MGAT4A: variants seen among roughly 807,000 people sequenced by gnomAD.
MGAT4A encodes alpha-1,3-mannosyl-glycoprotein 4-beta-N-acetylglucosaminyltransferase A.
A neutral mutation model predicts 74.1 loss-of-function variants in MGAT4A; 33 were observed. The ratio of observed to expected loss-of-function variants is 0.45; its 90% CI spans 0.34 to 0.60. MGAT4A has a LOEUF of 0.60. Ranked by LOEUF, MGAT4A falls within the 20% of genes least tolerant of loss-of-function variation. MGAT4A has a pLI of 0.02. For synonymous variants in MGAT4A, 198 were observed against 210.4 expected, an observed-to-expected ratio of 0.94 and a Z score of 0.51; for missense variants, 479 against 628.3, an observed-to-expected ratio of 0.76 and a Z score of 2.54.
chr2:98,682,392 A>G (rs575113816), intron 2 of MGAT4A, among the ~76,000 whole-genome samples: 2 of 137,752 alleles, frequency 1.5e-5, no homozygotes, highest in South Asian at 4.9e-4. Flanking sequence ...ATTGCACTCC[A>G]GCCTGGGCAA....
Position 98,621,800 on chromosome 2 carries a change from A to AT in MGAT4A, c.*3765dup, listed in dbSNP as rs943926032. The AT allele has an allele frequency of 1.8e-5, 19 of 1,085,250 alleles. No individual in the cohort carries two copies. The highest frequency in any genetic ancestry group is 8.3e-5 in the African/African-American group (5 of 60,576). The allele number at this position is 1,085,250 out of a possible 1,614,324, so 67.2% of individuals were successfully genotyped here. A position where few individuals can be genotyped will look rare whatever the true frequency, so the allele number is the denominator to read the frequency against. ...AACCTCTTTTTCATTATTATGATAG[A>AT]TTTTTTAAAGGCCTTCATAATTTTG... On this transcript the variant is annotated 3_prime_UTR_variant, in exon 16 of 16. Transcript: ENST00000393487.
chr2:98,640,540 G>C (rs1701391684), intron 10 of MGAT4A, among the ~76,000 whole-genome samples: 1 of 152,088 alleles, frequency 6.6e-6, no homozygotes, highest in African/African-American at 2.4e-5. Context: ...GGAGGCAGAG[G>C]TTGCAGTGAG....
At chr2:98,703,890 C>T (rs1033860466) in intron 2 of MGAT4A, among the ~76,000 whole-genome samples, 41 of 152,192 alleles carry the variant, frequency 2.7e-4, no homozygotes, top group African/African-American at 9.9e-4. Flanking sequence ...GTCACCTCCT[C>T]AGAGAGGCAT....
intron 2 of MGAT4A, among the ~76,000 whole-genome samples, chr2:98,697,291 C>T (rs970805761): frequency 6.6e-6 from 1 of 152,132 alleles, no homozygotes; most frequent in Non-Finnish European, 1.5e-5. Flanking sequence ...ATAAAAAATT[C>T]CAATCTCTCA....
At chr2:98,635,609 C>A (rs1326919146) in intron 13 of MGAT4A, among the ~76,000 whole-genome samples, 1 of 152,000 alleles carries the variant, frequency 6.6e-6, no homozygotes, top group Non-Finnish European at 1.5e-5. Flanking sequence ...TCCTTAGAGA[C>A]CAATAAATTA....
At position 98,690,036 on chromosome 2, in the gene MGAT4A, C is replaced by G. The variant is rs74636516; in HGVS notation, c.95-11565G>C. Among the ~76,000 whole-genome samples, 152 of 152,054 alleles carry G rather than the reference C, an allele frequency of 1.0e-3. 2 individuals are homozygous for G. In the East Asian group the frequency reaches 0.026, roughly 26 times the overall value. ...AAAAAAAAGGACCAAGAAAAGCCTG[C>G]TAACCCTATGCAAAGGACTCAGTAA... On this transcript the variant is annotated intron_variant, in intron 2 of 15. Coordinates refer to ENST00000393487, the MANE Select transcript of MGAT4A (RefSeq NM_012214.3).
At chr2:98,682,621 C>G (rs1702076778) in intron 2 of MGAT4A, among the ~76,000 whole-genome samples, 1 of 152,118 alleles carries the variant, frequency 6.6e-6, no homozygotes, top group South Asian at 2.1e-4. Flanking sequence ...CTAGCTGACA[C>G]CACCTTCATC....
At chr2:98,699,123 A>G (rs1702315801) in intron 2 of MGAT4A, among the ~76,000 whole-genome samples, 1 of 152,204 alleles carries the variant, frequency 6.6e-6, no homozygotes, top group Admixed American at 6.5e-5. Flanking sequence ...GCAGTGACTC[A>G]GGACACACTT....
At chr2:98,700,304 T>C (rs1702335121) in intron 2 of MGAT4A, among the ~76,000 whole-genome samples, 1 of 148,546 alleles carries the variant, frequency 6.7e-6, no homozygotes, top group South Asian at 2.1e-4. Context: ...TAGTTGACTA[T>C]ATATATAATA....
chr2:98,646,675 A>G (rs555433619), intron 8 of MGAT4A, among the ~76,000 whole-genome samples: 2 of 152,322 alleles, frequency 1.3e-5, no homozygotes, highest in Non-Finnish European at 2.9e-5. Flanking sequence ...ACAAAAGCCA[A>G]TTTGAAGGGG....
intron 5 of MGAT4A, 75 bp downstream of exon 5, chr2:98,662,971 A>G: frequency 1.7e-6 from 2 of 1,175,934 alleles, no homozygotes; most frequent in African/African-American, 1.5e-5. Flanking sequence ...TTAAAAGCAT[A>G]TTCAAATATT....
At chr2:98,646,937 A>C (rs9308814) in intron 8 of MGAT4A, among the ~76,000 whole-genome samples, 86,366 of 151,770 alleles carry the variant, frequency 0.57, 27,391 homozygotes, top group African/African-American at 0.85. Context: ...AAACAGCCAC[A>C]ACTGTAGATT....
chr2:98,640,605 A>AAAAC (rs755617050), intron 10 of MGAT4A, among the ~76,000 whole-genome samples: 7 of 152,210 alleles, frequency 4.6e-5, no homozygotes, highest in Admixed American at 2.0e-4. Flanking sequence ...CTCTGTCACA[A>AAAAC]AAACAAACAA....
intron 5 of MGAT4A, among the ~76,000 whole-genome samples, chr2:98,661,100 G>A (rs1701742527): frequency 1.3e-5 from 2 of 152,054 alleles, no homozygotes; most frequent in South Asian, 2.1e-4. Flanking sequence ...ATAGGCAAAG[G>A]ACCTGAACAG....
chr2:98,627,444 C>T lies in MGAT4A; in HGVS notation c.1469-1609G>A, dbSNP rs11901761. The stretch of plus-strand genomic sequence containing the variant: ...AAGCTGGAGTGCGATGGCACGATCT[C>T]GGCTCACTGCAACCTCTGCTTCCCA... On this transcript the variant is annotated intron_variant, in intron 14 of 15. Coordinates refer to ENST00000393487, the MANE Select transcript of MGAT4A (RefSeq NM_012214.3). 1.8e-3 allele frequency among the ~76,000 whole-genome samples: 274 copies of T among 152,208 alleles called. 2 individuals carry two copies. Among genetic ancestry groups the T allele is most frequent in the African/African-American group, 6.3e-3 (260 of 41,520 alleles).
chr2:98,674,577 T>C (rs1701954028), intron 4 of MGAT4A, among the ~76,000 whole-genome samples: 2 of 152,130 alleles, frequency 1.3e-5, no homozygotes, highest in Admixed American at 6.5e-5. Flanking sequence ...TTGAATAAAT[T>C]AGGAAAAAAG....
chr2:98,704,390 T>C (rs1702394360), intron 2 of MGAT4A, among the ~76,000 whole-genome samples: 1 of 152,034 alleles, frequency 6.6e-6, no homozygotes, highest in African/African-American at 2.4e-5. Context: ...CTACAAACAC[T>C]ACAAAAATTA....
chr2:98,729,415 C>T (rs1349100603), intron 1 of MGAT4A, among the ~76,000 whole-genome samples: 1 of 152,208 alleles, frequency 6.6e-6, no homozygotes, highest in East Asian at 1.9e-4. Context: ...AGACATAATT[C>T]ACAGGCTGGC....
chr2:98,633,323 C>A (rs1008871288), intron 14 of MGAT4A, among the ~76,000 whole-genome samples: 1 of 152,180 alleles, frequency 6.6e-6, no homozygotes, highest in African/African-American at 2.4e-5. Flanking sequence ...GCTGTACCTG[C>A]ACAGGGCAGA....
Sources: allele counts gnomAD v4.1 joint callset (sites outside exome capture counted in the v4.1 genomes callset), GRCh38; gene constraint gnomAD v4.1.1; transcripts MANE v1.5; gene names NCBI Gene and HGNC (gene_info 2026-07-23, HGNC 2026-07-21).